RRP15: variants seen among roughly 807,000 people sequenced by gnomAD.
The protein encoded by RRP15 is ribosomal RNA processing 15 homolog, also known as RRP15-like protein.
Under a neutral mutation model 27.1 loss-of-function variants are expected in RRP15, and 18 were observed. That is an observed-to-expected ratio of 0.66 (90% confidence interval 0.46 to 0.98). The LOEUF (loss-of-function observed/expected upper bound fraction) is 0.98, where lower values mean the gene tolerates loss of function less well. RRP15 is among the 50% of genes least tolerant of loss of function. The pLI is 0.00. For synonymous variants in RRP15, 107 were observed against 109.4 expected, an observed-to-expected ratio of 0.98 and a Z score of 0.14; for missense variants, 359 against 337.8, an observed-to-expected ratio of 1.06 and a Z score of -0.49.
Position 218,334,136 on chromosome 1 carries a change from T to G in RRP15, c.*3045T>G, listed in dbSNP as rs905396271. 2.0e-5 allele frequency: 3 copies of G among 152,194 alleles called. No individual in the cohort carries two copies. Among genetic ancestry groups the G allele is most frequent in the Non-Finnish European group, 4.4e-5 (3 of 68,026 alleles). The allele number at this position is 152,194 out of a possible 1,614,324, so 9.4% of individuals were successfully genotyped here. ...TTTGAAAGCCAATGATAATACCTGA[T>G]TAGGACTGAAAATAGAATTATCTTA... On this transcript the variant is annotated 3_prime_UTR_variant, in exon 5 of 5. Coordinates refer to ENST00000366932, the MANE Select transcript of RRP15 (RefSeq NM_016052.4).
At chr1:218,323,056 C>G (rs962488481) in intron 4 of RRP15, among the ~76,000 whole-genome samples, 1 of 152,134 alleles carries the variant, frequency 6.6e-6, no homozygotes, top group Non-Finnish European at 1.5e-5. Context: ...CAGGGAACGT[C>G]GTGGCGTTCT....
At chr1:218,294,649 G>GT (rs139444345) in intron 1 of RRP15, among the ~76,000 whole-genome samples, 81 of 148,650 alleles carry the variant, frequency 5.4e-4, no homozygotes, top group African/African-American at 1.1e-3. Context: ...TCTGAACCCT[G>GT]TTTTTTTTTT....
At chr1:218,323,553 TCCCCAGGCTTCGGGC>T (rs999889654) in intron 4 of RRP15, among the ~76,000 whole-genome samples, 3 of 152,124 alleles carry the variant, frequency 2.0e-5, no homozygotes, top group Non-Finnish European at 4.4e-5. Flanking sequence ...GGCAGCCCGG[TCCCCAGGCTTCGGGC>T]CCTCCCTGGC....
intron 4 of RRP15, among the ~76,000 whole-genome samples, chr1:218,307,866 A>G (rs886276102): frequency 6.6e-6 from 1 of 152,094 alleles, no homozygotes; most frequent in African/African-American, 2.4e-5. Flanking sequence ...CTTTAATTTC[A>G]GACTTTACCC....
chr1:218,292,491 A>G (rs1317460943), intron 1 of RRP15, among the ~76,000 whole-genome samples: 2 of 152,240 alleles, frequency 1.3e-5, no homozygotes, highest in Non-Finnish European at 2.9e-5. Context: ...AGTTAAAACA[A>G]GGCAGAGTGT....
intron 4 of RRP15, among the ~76,000 whole-genome samples, chr1:218,319,226 A>C (rs1274937568): frequency 6.6e-6 from 1 of 151,736 alleles, no homozygotes; most frequent in Non-Finnish European, 1.5e-5. Flanking sequence ...CACGACGCTT[A>C]GCTAATTTTT....
chr1:218,298,678 C>T (rs1289831448), intron 1 of RRP15, among the ~76,000 whole-genome samples: 1 of 152,026 alleles, frequency 6.6e-6, no homozygotes, highest in East Asian at 1.9e-4. Context: ...GAGGTTTAGC[C>T]CTGCTCTGTT....
intron 4 of RRP15, among the ~76,000 whole-genome samples, chr1:218,320,488 GT>G (rs1230024440): frequency 6.6e-6 from 1 of 152,068 alleles, no homozygotes; most frequent in Non-Finnish European, 1.5e-5. Context: ...GGTCACCTTA[GT>G]TAACTTTAAC....
At chr1:218,310,838 T>C (rs1655983747) in intron 4 of RRP15, among the ~76,000 whole-genome samples, 1 of 152,054 alleles carries the variant, frequency 6.6e-6, no homozygotes, top group Non-Finnish European at 1.5e-5. Flanking sequence ...AACTTCCGCC[T>C]CCTGGGTTCA....
At chr1:218,323,694 C>T (rs1268232230) in intron 4 of RRP15, among the ~76,000 whole-genome samples, 2 of 152,336 alleles carry the variant, frequency 1.3e-5, no homozygotes, top group East Asian at 3.9e-4. Flanking sequence ...CAGGTCAATG[C>T]TGAGCTGCCC....
intron 4 of RRP15, among the ~76,000 whole-genome samples, chr1:218,326,830 C>T (rs1210324752): frequency 6.6e-6 from 1 of 152,152 alleles, no homozygotes; most frequent in East Asian, 1.9e-4. Context: ...AGGTATTATG[C>T]CAGGTTATTG....
chr1:218,305,139 T>C lies in RRP15; in HGVS notation c.503+14T>C. The C allele has an allele frequency of 6.3e-7, 1 of 1,593,594 alleles. No individual in the cohort carries two copies. Among genetic ancestry groups the C allele is most frequent in the East Asian group, 2.2e-5 (1 of 44,678 alleles). On this transcript the variant is annotated intron_variant, in intron 3 of 4. Coordinates refer to ENST00000366932, the MANE Select transcript of RRP15 (RefSeq NM_016052.4). ...AATTGCAACAAGGTAAGGTAGTGTT[T>C]TTGCCCTTTAAAAAATAAGTATACT...
At chr1:218,315,788 G>A (rs1656082084) in intron 4 of RRP15, among the ~76,000 whole-genome samples, 1 of 151,986 alleles carries the variant, frequency 6.6e-6, no homozygotes, top group Non-Finnish European at 1.5e-5. Context: ...TTGGGGTGTG[G>A]AAGGCAGGCA....
intron 4 of RRP15, among the ~76,000 whole-genome samples, chr1:218,321,405 T>C (rs1168984310): frequency 6.6e-6 from 1 of 152,250 alleles, no homozygotes; most frequent in Admixed American, 6.5e-5. Context: ...CGTAAGTTGA[T>C]AAAAGTTTGG....
At chr1:218,288,782 A>C (rs1182284680) in intron 1 of RRP15, among the ~76,000 whole-genome samples, 2 of 152,174 alleles carry the variant, frequency 1.3e-5, no homozygotes, top group African/African-American at 4.8e-5. Flanking sequence ...TCTCCCTCCC[A>C]CTCAAGAAGA....
rs78895350 is a variant in RRP15, at chr1:218,324,920, T to A, written c.706-6028T>A. ...ATGATCTGAAGTGATGTATCTATTT[T>A]AATTATTTTCTCTGAGATATTCTTT... On this transcript the variant is annotated intron_variant, in intron 4 of 4. Coordinates refer to ENST00000366932, the MANE Select transcript of RRP15 (RefSeq NM_016052.4). Among the ~76,000 whole-genome samples, 791 of 152,290 alleles carry A rather than the reference T, an allele frequency of 5.2e-3. 33 individuals carry two copies. The East Asian group carries it at 0.053, about 10-fold the overall frequency.
At chr1:218,303,547 A>C (rs1456616541) in intron 2 of RRP15, among the ~76,000 whole-genome samples, 1 of 152,190 alleles carries the variant, frequency 6.6e-6, no homozygotes, top group Non-Finnish European at 1.5e-5. Flanking sequence ...TAGCTTTTCA[A>C]CTGAAAATTT....
intron 4 of RRP15, among the ~76,000 whole-genome samples, chr1:218,327,565 A>G (rs558471555): frequency 6.6e-6 from 1 of 152,122 alleles, no homozygotes; most frequent in Non-Finnish European, 1.5e-5. Flanking sequence ...CAGCCTCCCA[A>G]ACTCCTGGGA....
At chr1:218,305,431 T>C (rs1449042197) in intron 3 of RRP15, among the ~76,000 whole-genome samples, 2 of 152,242 alleles carry the variant, frequency 1.3e-5, no homozygotes, top group African/African-American at 2.4e-5. Context: ...TTTGTGGCAC[T>C]CAATGATGGT....
Sources: gnomAD v4.1 joint callset for allele counts (sites outside exome capture counted in the v4.1 genomes callset) on GRCh38, gnomAD v4.1.1 for gene constraint, MANE v1.5 for transcripts, NCBI Gene and HGNC (gene_info 2026-07-23, HGNC 2026-07-21) for gene names.